The following SHANK2 variants were observed in gnomAD, a reference collection of about 807,000 sequenced individuals.
The protein encoded by SHANK2 is SH3 and multiple ankyrin repeat domains 2.
Under a neutral mutation model 133.7 loss-of-function variants are expected in SHANK2, and 43 were observed. That is an observed-to-expected ratio of 0.32 (90% CI 0.25 to 0.41). The LOEUF (loss-of-function observed/expected upper bound fraction) is 0.41, where lower values mean the gene tolerates loss of function less well. Ranked by LOEUF, SHANK2 falls within the 10% of genes least tolerant of loss-of-function variation. The probability of loss-of-function intolerance (pLI) is 1.00; values close to 1 mark genes in which losing one functional copy is unlikely to be tolerated. For synonymous variants in SHANK2, 1,017 were observed against 952.8 expected (o/e 1.07, Z -1.24); for missense variants, 1,994 against 2,235.8 (o/e 0.89, Z 2.18).
Position 70,486,856 on chromosome 11 carries a change from G to A in SHANK2, c.3437C>T (p.Pro1146Leu), listed in dbSNP as rs1314340729. The A allele has an allele frequency of 3.7e-6, 6 of 1,612,700 alleles. No homozygotes were observed. The highest frequency in any genetic ancestry group is 4.2e-6 in the Non-Finnish European group (5 of 1,179,926). ...TTCGGGCTCCCTGGGCGTGGCACTC[G>A]GCATGGGGGATGACAGCTGCTCAGC... ...DSAEQLSSPMPSATPREPENH... is the reference protein window; with the variant it reads ...DSAEQLSSPMLSATPREPENH... The change falls in exon 25 of 26, where the codon CCG (proline) becomes CTG (leucine). Residue 1146 changes from proline to leucine, a missense_variant. Around this residue, in one of 5 missense-constraint regions of SHANK2, gnomAD observed 797 missense variants for 907.4 expected, o/e 0.88. Transcript: ENST00000601538. The surrounding 1 kb of genome is among the most constrained non-coding windows in gnomAD (Gnocchi z 8.0).
At chr11:70,921,561 T>C (rs972182975) in intron 10 of SHANK2, among the ~76,000 whole-genome samples, 16 of 152,118 alleles carry the variant, frequency 1.1e-4, no homozygotes, top group African/African-American at 3.9e-4. Flanking sequence ...AATTCTGAAA[T>C]TGGGAGGAGC....
chr11:70,749,140 C>A (rs1555036929), intron 14 of SHANK2, among the ~76,000 whole-genome samples: 1 of 152,194 alleles, frequency 6.6e-6, no homozygotes, highest in Non-Finnish European at 1.5e-5. Flanking sequence ...GACTAAAACC[C>A]CAGTACAGCT....
At chr11:71,153,763 G>C (rs1451945086) in intron 2 of SHANK2, among the ~76,000 whole-genome samples, 1 of 152,188 alleles carries the variant, frequency 6.6e-6, no homozygotes, top group Non-Finnish European at 1.5e-5. Flanking sequence ...GGTCACTCAG[G>C]AGTTTGAGAC....
intron 14 of SHANK2, among the ~76,000 whole-genome samples, chr11:70,728,509 G>A (rs1037851204): frequency 1.3e-5 from 2 of 152,246 alleles, no homozygotes; most frequent in Non-Finnish European, 2.9e-5. Flanking sequence ...AGGGCTTCAA[G>A]GAGCCCCAGA....
In SHANK2 at chr11:70,702,035, TCAC is replaced by T. The variant is rs781959171; in HGVS notation, c.1778-3275_1778-3273del. Among the ~76,000 whole-genome samples, 47 of 150,358 alleles carry T rather than the reference TCAC, an allele frequency of 3.1e-4. 1 individual carries two copies. The highest frequency in any genetic ancestry group is 1.6e-3 in the East Asian group (8 of 5,018). On this transcript the variant is annotated intron_variant, in intron 14 of 25. Coordinates refer to ENST00000601538, the MANE Select transcript of SHANK2 (RefSeq NM_012309.5). The stretch of plus-strand genomic sequence containing the variant: ...ATCAGCATCACCATTACCATCATCA[TCAC>T]CACCACCACCATCTTCTTCACCATC...
chr11:70,599,909 A>AAGAAAGAAAAAGAAAGAAAG (rs2060463172), intron 17 of SHANK2, among the ~76,000 whole-genome samples: 1 of 37,506 alleles, frequency 2.7e-5, no homozygotes, highest in African/African-American at 1.2e-4. Flanking sequence ...AAGAAAGAGA[A>AAGAAAGAAAAAGAAAGAAAG]AGAAAGAAAG....
In SHANK2 at chr11:70,684,004, G is replaced by C. The variant is rs972525883; in HGVS notation, c.1853+14684C>G. Among the ~76,000 whole-genome samples the C allele has an allele frequency of 2.6e-5, 4 of 152,012 alleles. No homozygotes were observed. In the East Asian group the frequency reaches 7.7e-4, roughly 29 times the overall value. On this transcript the variant is annotated intron_variant, in intron 15 of 25. Transcript: ENST00000601538. ...TCACCATGTTGGCCAGGCTGGTCTCGAACTTCTGGCCTCAAGTGATCCACC... is the reference window on the plus strand; with the variant it reads ...TCACCATGTTGGCCAGGCTGGTCTCCAACTTCTGGCCTCAAGTGATCCACC...
In SHANK2 at chr11:70,579,979, A is replaced by G. The variant is rs78926407; in HGVS notation, c.2062-77048T>C. Among the ~76,000 whole-genome samples the G allele has an allele frequency of 3.3e-3, 501 of 152,302 alleles. 1 individual carries two copies. Among genetic ancestry groups the G allele is most frequent in the African/African-American group, 0.012 (479 of 41,578 alleles). On this transcript the variant is annotated intron_variant, in intron 17 of 25. Transcript: ENST00000601538. ...AACAGGCTCTCCTGGAGCCTCCAGCAGAAACCAGCCCTGACCACACCTTGA... is the reference window on the plus strand; with the variant it reads ...AACAGGCTCTCCTGGAGCCTCCAGCGGAAACCAGCCCTGACCACACCTTGA...
At chr11:70,815,926 C>T (rs1948383642) in intron 12 of SHANK2, among the ~76,000 whole-genome samples, 1 of 152,236 alleles carries the variant, frequency 6.6e-6, no homozygotes, top group African/African-American at 2.4e-5. Context: ...GGGACCTGGC[C>T]AGTCGCCTCC....
intron 2 of SHANK2, among the ~76,000 whole-genome samples, chr11:71,149,598 C>T (rs1353947065): frequency 1.9e-4 from 29 of 151,536 alleles, no homozygotes; most frequent in Admixed American, 3.3e-4. Flanking sequence ...TTCAGGGCCC[C>T]AGGTAGAGAG....
At chr11:71,110,698 G>A (rs1555099020) in intron 5 of SHANK2, among the ~76,000 whole-genome samples, 1 of 152,208 alleles carries the variant, frequency 6.6e-6, no homozygotes, top group African/African-American at 2.4e-5. Flanking sequence ...TGAGGCTCCT[G>A]GAGCTGAGGC....
At chr11:70,819,193 C>T (rs1295622946) in intron 12 of SHANK2, among the ~76,000 whole-genome samples, 2 of 152,256 alleles carry the variant, frequency 1.3e-5, no homozygotes, top group African/African-American at 4.8e-5. Context: ...GTCCAAGGCC[C>T]AAATCTGAGG....
intron 11 of SHANK2, among the ~76,000 whole-genome samples, chr11:70,848,369 G>A (rs1473488708): frequency 1.2e-4 from 19 of 152,188 alleles, no homozygotes; most frequent in African/African-American, 4.6e-4. Context: ...GGCCTGGCGG[G>A]GGTGATCAAC....
chr11:70,514,047 G>T (rs1554969630), intron 17 of SHANK2, among the ~76,000 whole-genome samples: 1 of 152,086 alleles, frequency 6.6e-6, no homozygotes. Flanking sequence ...AAAAAGATAA[G>T]TATTTAAAAA....
Position 70,485,862 on chromosome 11 carries a change from C to T in SHANK2, c.4431G>A (p.Leu1477=), listed in dbSNP as rs1424068678. ...SLSNCLPASF[L]PPPESFDAVA... is the part of the protein sequence containing the mutation. ...CGGCGTCAAAGCTTTCAGGGGGTGG[C>T]AGGAATGAGGCAGGCAGACAGTTTG... The change falls in exon 25 of 26, where the codon CTG becomes CTA. Residue 1477 remains leucine, a synonymous_variant. Coordinates refer to ENST00000601538, the MANE Select transcript of SHANK2 (RefSeq NM_012309.5). This position sits in a 1 kb window ranked among gnomAD's most constrained non-coding sequence, Gnocchi z 5.8. 1 of 1,613,908 alleles carries T rather than the reference C, an allele frequency of 6.2e-7. No individual in the cohort carries two copies. The highest frequency in any genetic ancestry group is 8.5e-7 in the Non-Finnish European group (1 of 1,180,042).
intron 17 of SHANK2, among the ~76,000 whole-genome samples, chr11:70,645,895 C>T (rs188012850): frequency 1.7e-3 from 266 of 152,216 alleles, no homozygotes; most frequent in Admixed American, 0.016. Context: ...TGAATCCTGC[C>T]CTGTCACTCC....
chr11:70,769,609 G>A lies in SHANK2; in HGVS notation c.1777+28834C>T, dbSNP rs1409078061. On this transcript the variant is annotated intron_variant, in intron 14 of 25. Coordinates refer to ENST00000601538, the MANE Select transcript of SHANK2 (RefSeq NM_012309.5). ...TCTGCGAGAGCACATGAAATGGCAT[G>A]TGCGTGCATGCACATGTACACATGT... Among the ~76,000 whole-genome samples, 12 of 152,358 alleles carry A rather than the reference G, an allele frequency of 7.9e-5. No homozygotes were observed. The East Asian group carries it at 2.3e-3, about 29-fold the overall frequency.
intron 11 of SHANK2, among the ~76,000 whole-genome samples, chr11:70,875,457 G>T (rs1372291424): frequency 6.6e-6 from 1 of 152,098 alleles, no homozygotes; most frequent in Non-Finnish European, 1.5e-5. Context: ...CCCGGGAGTG[G>T]AGGTTGCAGT....
At chr11:70,749,523 G>C (rs1479701347) in intron 14 of SHANK2, among the ~76,000 whole-genome samples, 1 of 152,166 alleles carries the variant, frequency 6.6e-6, no homozygotes, top group Admixed American at 6.5e-5. Context: ...CAAAATTCCT[G>C]GGAAAATATG....
Sources: allele counts gnomAD v4.1 joint callset (sites outside exome capture counted in the v4.1 genomes callset), GRCh38; gene constraint gnomAD v4.1.1; regional missense constraint gnomAD v4.1.1; non-coding constraint Gnocchi (gnomAD v3.1); transcripts MANE v1.5; gene names NCBI Gene and HGNC (gene_info 2026-07-23, HGNC 2026-07-21).